KRTCAP3: variants seen among roughly 807,000 people sequenced by gnomAD.
The protein encoded by KRTCAP3 is keratinocyte associated protein 3.
In KRTCAP3, 18 loss-of-function variants were observed where a neutral mutation model predicts 20.5. The observed-to-expected ratio is 0.88, with a 90% CI of 0.61 to 1.31. The LOEUF is 1.31. Ranked by LOEUF, KRTCAP3 falls within the 50% of genes most tolerant of loss-of-function variation. The probability of loss-of-function intolerance (pLI) is 0.00; values close to 1 mark genes in which losing one functional copy is unlikely to be tolerated. For synonymous variants in KRTCAP3, 167 were observed against 133.7 expected, an observed-to-expected ratio of 1.25 and a Z score of -1.72; for missense variants, 347 against 310.4, an observed-to-expected ratio of 1.12 and a Z score of -0.89.
chr2:27,442,823 G>A lies in KRTCAP3; in HGVS notation c.214-19G>A. ...CTCCCGGAGAGCCCAGCAGGCCAAA[G>A]GCTTTGTGTCTTCCACAGAGCGTTT... On this transcript the variant is annotated intron_variant, in intron 2 of 6. Coordinates refer to ENST00000288873, the MANE Select transcript of KRTCAP3 (RefSeq NM_173853.4). The A allele has an allele frequency of 6.2e-7, 1 of 1,611,630 alleles. No homozygotes were observed. The highest frequency in any genetic ancestry group is 8.5e-7 in the Non-Finnish European group (1 of 1,180,010).
In KRTCAP3 at chr2:27,443,251, G is replaced by A. The variant is rs530797620; in HGVS notation, c.451G>A (p.Asp151Asn). The change falls in exon 4 of 7, where the codon GAC (aspartate) becomes AAC (asparagine). Residue 151 changes from aspartate to asparagine, a missense_variant. Physicochemically the swap from Asp to Asn is conservative, Grantham distance 23 (BLOSUM62 1). Coordinates refer to ENST00000288873, the MANE Select transcript of KRTCAP3 (RefSeq NM_173853.4). ...VPLDEGPGHT[D>N]CPFDPTRIYD... ...ACTGGATGAGGGGCCGGGACATACT[G>A]ACTGCCCCTTTGACCCCACAAGAAT... 3 of 1,614,144 alleles carry A rather than the reference G, an allele frequency of 1.9e-6. No homozygotes were observed. Among genetic ancestry groups the A allele is most frequent in the African/African-American group, 1.3e-5 (1 of 75,036 alleles).
At chr2:27,446,056 AG>A, downstream of KRTCAP3, 1 of 1,582,544 alleles carries the variant, frequency 6.3e-7, no homozygotes, top group Non-Finnish European at 8.7e-7. Context: ...TCTGGGATCC[AG>A]ATGCAAATGG....
At chr2:27,442,462 C>G in intron 1 of KRTCAP3, 22 bp downstream of exon 1, 1 of 1,565,718 alleles carries the variant, frequency 6.4e-7, no homozygotes, top group Middle Eastern at 1.7e-4. Context: ...GCCCTGGCGT[C>G]TCGTCTCCTT....
At chr2:27,446,319 G>C (rs1307442302), downstream of KRTCAP3, 1 of 1,614,218 alleles carries the variant, frequency 6.2e-7, no homozygotes, top group South Asian at 1.1e-5. Context: ...TGGGTGTGAC[G>C]CAAGAGTGAA....
chr2:27,442,599 C>A lies in KRTCAP3; in HGVS notation c.49C>A (p.Arg17=). ...CAFDAARGPR[R]LMRVGLALIL... ...TGCAGACGCCGCCCGGGGGCCCAGG[C>A]GGCTGATGCGTGTGGGCCTCGCGCT... Residue 17 remains arginine, a synonymous_variant, in exon 2 of 7, where the codon CGG becomes AGG. Coordinates refer to ENST00000288873, the MANE Select transcript of KRTCAP3 (RefSeq NM_173853.4). The A allele has an allele frequency of 6.5e-7, 1 of 1,544,098 alleles. No homozygotes were observed. The highest frequency in any genetic ancestry group is 1.2e-5 in the South Asian group (1 of 80,120).
At chr2:27,444,683 T>G (rs1664873156), downstream of KRTCAP3, among the ~76,000 whole-genome samples, 1 of 152,158 alleles carries the variant, frequency 6.6e-6, no homozygotes, top group Non-Finnish European at 1.5e-5. Context: ...AGTCTTGCTT[T>G]GTCGCCCAGG....
At chr2:27,443,363 A>T in intron 4 of KRTCAP3, 35 bp from the exon 5 acceptor site, 1 of 1,613,202 alleles carries the variant, frequency 6.2e-7, no homozygotes, top group African/African-American at 1.3e-5. Flanking sequence ...CACTTGCCCT[A>T]CTCCCTCCTA....
rs1376988203 is a variant in KRTCAP3, at chr2:27,444,259, G to C, written c.*79G>C. The C allele has an allele frequency of 3.1e-6, 2 of 646,734 alleles. No homozygotes were observed. The highest frequency in any genetic ancestry group is 3.7e-5 in the African/African-American group (2 of 54,402). The allele number at this position is 646,734 out of a possible 1,614,324, so 40.1% of individuals were successfully genotyped here. A position where few individuals can be genotyped will look rare whatever the true frequency, so the allele number is the denominator to read the frequency against. On this transcript the variant is annotated 3_prime_UTR_variant, in exon 7 of 7. Transcript: ENST00000288873. ...GCAAGGGGCCCTGACCTCGGGATGA[G>C]ATAACAAATTGTAATAAAGTAACTT...
intron 5 of KRTCAP3, 76 bp from the exon 6 acceptor site, chr2:27,443,873 C>A: frequency 1.1e-6 from 1 of 891,910 alleles, no homozygotes; most frequent in Non-Finnish European, 1.9e-6. Flanking sequence ...GAGGCTCCGT[C>A]ACAAAAAACA....
downstream of KRTCAP3, chr2:27,445,383 C>T (rs779670290): frequency 3.1e-6 from 5 of 1,612,618 alleles, no homozygotes; most frequent in African/African-American, 1.3e-5. This position sits in a 1 kb window ranked among gnomAD's most constrained non-coding sequence, Gnocchi z 4.4. Context: ...CGAGGCAGAA[C>T]CTGCTCCAGC....
rs112481808 is a variant in KRTCAP3, at chr2:27,444,206, A to T, written c.*26A>T. 71 of 664,194 alleles carry T rather than the reference A, an allele frequency of 1.1e-4. No individual in the cohort carries two copies. The African/African-American group carries it at 1.1e-3, about 10-fold the overall frequency. 41.1% of individuals were successfully genotyped at this position (664,194 alleles called of 1,614,324 possible). Reference sequence around the variant, plus strand: ...TCCAGCAGGTGCTGTTCCGAGACTCAGTCCTAAAGGGTTTTTTTTCCCACT... The same window carrying T: ...TCCAGCAGGTGCTGTTCCGAGACTCTGTCCTAAAGGGTTTTTTTTCCCACT... On this transcript the variant is annotated 3_prime_UTR_variant, in exon 7 of 7. Coordinates refer to ENST00000288873, the MANE Select transcript of KRTCAP3 (RefSeq NM_173853.4).
At chr2:27,445,005 C>A, downstream of KRTCAP3, 5 of 1,612,916 alleles carry the variant, frequency 3.1e-6, no homozygotes, top group Non-Finnish European at 4.2e-6. The surrounding 1 kb of genome is among the most constrained non-coding windows in gnomAD (Gnocchi z 4.4). Flanking sequence ...CCAAGTCCTC[C>A]TCTCTAACCT....
At chr2:27,445,147 A>T, downstream of KRTCAP3, 1 of 1,611,002 alleles carries the variant, frequency 6.2e-7, no homozygotes, top group Non-Finnish European at 8.5e-7. This position sits in a 1 kb window ranked among gnomAD's most constrained non-coding sequence, Gnocchi z 4.4. Flanking sequence ...TTTGAGAGAG[A>T]TTGAGGAGGG....
At chr2:27,444,646 G>A (rs937930866), downstream of KRTCAP3, 19 of 707,602 alleles carry the variant, frequency 2.7e-5, no homozygotes, top group South Asian at 1.8e-4. Context: ...TAGTGTGTAT[G>A]TGGGTTTTTT....
intron 6 of KRTCAP3, 29 bp downstream of exon 6, chr2:27,444,090 GT>G (rs1558346068): frequency 1.6e-6 from 2 of 1,282,896 alleles, no homozygotes; most frequent in African/African-American, 1.5e-5. Context: ...GGTGGCCCGG[GT>G]AAGAGCGGGG....
chr2:27,445,904 C>G, downstream of KRTCAP3: 1 of 1,614,244 alleles, frequency 6.2e-7, no homozygotes, highest in Non-Finnish European at 8.5e-7. The surrounding 1 kb of genome is among the most constrained non-coding windows in gnomAD (Gnocchi z 4.4). Flanking sequence ...AACCTCCACC[C>G]TCGGGGCACA....
chr2:27,445,591 C>T, downstream of KRTCAP3: 1 of 1,275,088 alleles, frequency 7.8e-7, no homozygotes, highest in African/African-American at 1.5e-5. The surrounding 1 kb of genome is among the most constrained non-coding windows in gnomAD (Gnocchi z 4.4). Context: ...TTGGGGGATG[C>T]AGTCACAGCC....
chr2:27,442,622 G>T lies in KRTCAP3; in HGVS notation c.72G>T (p.Ala24=). 2 of 1,570,148 alleles carry T rather than the reference G, an allele frequency of 1.3e-6. No homozygotes were observed. Among genetic ancestry groups the T allele is most frequent in the Non-Finnish European group, 1.7e-6 (2 of 1,158,834 alleles). Residue 24 remains alanine (A), a synonymous_variant, in exon 2 of 7, where the codon GCG becomes GCT. Transcript: ENST00000288873. ...GPRRLMRVGL[A]LILVGHVNLL... is the part of the protein sequence containing the mutation. ...GGCGGCTGATGCGTGTGGGCCTCGCGCTGATCTTGGTGGGCCACGTGAACC... is the reference window on the plus strand; with the variant it reads ...GGCGGCTGATGCGTGTGGGCCTCGCTCTGATCTTGGTGGGCCACGTGAACC...
downstream of KRTCAP3, chr2:27,446,290 T>G: frequency 6.2e-7 from 1 of 1,614,230 alleles, no homozygotes. Context: ...CATAGAAGGC[T>G]TTGTCTACAG....
Sources: allele counts gnomAD v4.1 joint callset (sites outside exome capture counted in the v4.1 genomes callset), GRCh38; gene constraint gnomAD v4.1.1; non-coding constraint Gnocchi (gnomAD v3.1); transcripts MANE v1.5; gene names NCBI Gene and HGNC (gene_info 2026-07-23, HGNC 2026-07-21).